KCNQ5: variants seen among roughly 807,000 people sequenced by gnomAD.
KCNQ5 encodes the protein potassium voltage-gated channel subfamily KQT member 5.
In KCNQ5, 30 loss-of-function variants were observed where a neutral mutation model predicts 98.2. The observed-to-expected ratio is 0.31, with a 90% CI of 0.23 to 0.41. The LOEUF is 0.41. Among genes scored for constraint, KCNQ5 ranks in the 10% least tolerant of loss-of-function variants. The probability of loss-of-function intolerance (pLI) is 1.00; values close to 1 mark genes in which losing one functional copy is unlikely to be tolerated. For missense variants in KCNQ5, 835 were observed against 1,182.5 expected (o/e 0.71, Z 4.31); for synonymous variants, 458 against 449.4 (o/e 1.02, Z -0.24).
At chr6:72,947,354 A>T (rs1766595018) in intron 1 of KCNQ5, among the ~76,000 whole-genome samples, 1 of 152,164 alleles carries the variant, frequency 6.6e-6, no homozygotes, top group Non-Finnish European at 1.5e-5. Context: ...ATCAAAAAAT[A>T]TTTATTCAAG....
chr6:72,970,199 C>A (rs1280949020), intron 1 of KCNQ5, among the ~76,000 whole-genome samples: 1 of 152,142 alleles, frequency 6.6e-6, no homozygotes, highest in African/African-American at 2.4e-5. Context: ...TTCAAGGCTG[C>A]AGTGAGCTGT....
chr6:73,051,619 C>G (rs1772239110), intron 3 of KCNQ5, among the ~76,000 whole-genome samples: 1 of 150,582 alleles, frequency 6.6e-6, no homozygotes, highest in African/African-American at 2.5e-5. Flanking sequence ...AGCCTTACCC[C>G]CTAAATTCTT....
At chr6:72,845,622 C>T (rs530591728) in intron 1 of KCNQ5, among the ~76,000 whole-genome samples, 29 of 152,286 alleles carry the variant, frequency 1.9e-4, no homozygotes, top group African/African-American at 6.7e-4. Context: ...AGTCATCTAG[C>T]TCCTGTTGTC....
chr6:72,673,582 A>G (rs907336215), intron 1 of KCNQ5, among the ~76,000 whole-genome samples: 1 of 152,018 alleles, frequency 6.6e-6, no homozygotes, highest in East Asian at 1.9e-4. Context: ...AGGGATTCAG[A>G]CAGGCAAAGG....
chr6:72,914,376 A>AT (rs1780052199), intron 1 of KCNQ5, among the ~76,000 whole-genome samples: 1 of 151,832 alleles, frequency 6.6e-6, no homozygotes, highest in Non-Finnish European at 1.5e-5. Context: ...AAGGAAGATG[A>AT]TTTTTAGCCT....
At chr6:73,123,178 A>T (rs913141424) in intron 8 of KCNQ5, among the ~76,000 whole-genome samples, 1 of 151,684 alleles carries the variant, frequency 6.6e-6, no homozygotes. Flanking sequence ...TATTCAAGGG[A>T]TGTTGGGATA....
chr6:73,053,550 A>G (rs1772337515), intron 3 of KCNQ5, among the ~76,000 whole-genome samples: 1 of 152,096 alleles, frequency 6.6e-6, no homozygotes, highest in Non-Finnish European at 1.5e-5. Context: ...CTCAGACTAC[A>G]GTGCAATAAA....
chr6:72,956,489 CT>C (rs35114790), intron 1 of KCNQ5, among the ~76,000 whole-genome samples: 19,083 of 111,884 alleles, frequency 0.17, 2,005 homozygotes, highest in African/African-American at 0.36. Context: ...TTTCTTTTTT[CT>C]TTTTTTTTTT....
At chr6:73,047,877 A>G (rs1226128897) in intron 3 of KCNQ5, among the ~76,000 whole-genome samples, 1 of 152,236 alleles carries the variant, frequency 6.6e-6, no homozygotes, top group Non-Finnish European at 1.5e-5. Context: ...GGTGATGGAA[A>G]TTGAAGTAGT....
At chr6:72,653,193 G>A (rs1383236980) in intron 1 of KCNQ5, among the ~76,000 whole-genome samples, 1 of 151,764 alleles carries the variant, frequency 6.6e-6, no homozygotes, top group Non-Finnish European at 1.5e-5. Flanking sequence ...AAGCCTTTGT[G>A]ATGGTGTTTC....
At chr6:73,034,664 T>G (rs191506245) in intron 2 of KCNQ5, among the ~76,000 whole-genome samples, 253 of 152,268 alleles carry the variant, frequency 1.7e-3, no homozygotes, top group Non-Finnish European at 2.5e-3. Context: ...AGAACATAAT[T>G]TAAACCTCAA....
intron 1 of KCNQ5, among the ~76,000 whole-genome samples, chr6:72,859,885 T>C (rs1209126268): frequency 1.3e-5 from 2 of 152,124 alleles, no homozygotes; most frequent in Non-Finnish European, 2.9e-5. Context: ...CCACTGTGCC[T>C]GACCTGTTCC....
rs953960591 is a variant in KCNQ5, at chr6:72,884,608, A to G, written c.399-119300A>G. On this transcript the variant is annotated intron_variant, in intron 1 of 13. Transcript: ENST00000370398. ...GCAATAGAAATCATTATAAAAATTC[A>G]AAGAATAAAATACTTTTTTTTTTTT... 6.5e-5 allele frequency among the ~76,000 whole-genome samples: 9 copies of G among 138,198 alleles called. No homozygotes were observed. In the East Asian group the frequency reaches 2.0e-3, roughly 31 times the overall value. 90.7% of individuals were successfully genotyped at this position (138,198 alleles called of 152,430 possible).
intron 1 of KCNQ5, among the ~76,000 whole-genome samples, chr6:72,677,985 T>C (rs889788515): frequency 6.6e-6 from 1 of 152,216 alleles, no homozygotes; most frequent in Admixed American, 6.5e-5. Flanking sequence ...GAACAAGATA[T>C]TATGTTTGGC....
At chr6:72,674,233 A>C (rs528541003) in intron 1 of KCNQ5, among the ~76,000 whole-genome samples, 1 of 151,980 alleles carries the variant, frequency 6.6e-6, no homozygotes, top group South Asian at 2.1e-4. Flanking sequence ...TTTTTGGAGA[A>C]ATTATTTCCC....
intron 1 of KCNQ5, among the ~76,000 whole-genome samples, chr6:72,731,694 C>G (rs1276273121): frequency 1.3e-5 from 2 of 152,168 alleles, no homozygotes; most frequent in Non-Finnish European, 2.9e-5. Context: ...CTAATACTTT[C>G]CAAGAAGTCC....
At chr6:72,843,061 C>T (rs1200785152) in intron 1 of KCNQ5, among the ~76,000 whole-genome samples, 1 of 152,116 alleles carries the variant, frequency 6.6e-6, no homozygotes, top group African/African-American at 2.4e-5. Context: ...TTTGCCCATG[C>T]CTATGTCCTG....
At chr6:73,070,950 G>A (rs565238777) in intron 3 of KCNQ5, among the ~76,000 whole-genome samples, 2 of 152,300 alleles carry the variant, frequency 1.3e-5, no homozygotes, top group Admixed American at 6.5e-5. Context: ...GGATGTAAGT[G>A]TGCCAAAATA....
chr6:72,803,427 T>C (rs1265540117), intron 1 of KCNQ5, among the ~76,000 whole-genome samples: 1 of 152,172 alleles, frequency 6.6e-6, no homozygotes, highest in East Asian at 1.9e-4. Context: ...AGGACCTTAG[T>C]TCTCACAGGC....
Sources: allele counts gnomAD v4.1 joint callset (sites outside exome capture counted in the v4.1 genomes callset), GRCh38; gene constraint gnomAD v4.1.1; transcripts MANE v1.5; gene names NCBI Gene and HGNC (gene_info 2026-07-23, HGNC 2026-07-21).